ADGRB3: variants seen among roughly 807,000 people sequenced by gnomAD.
ADGRB3 encodes the protein brain-specific angiogenesis inhibitor 3.
A neutral mutation model predicts 193.4 loss-of-function variants in ADGRB3; 37 were observed. The observed-to-expected ratio is 0.19, with a 90% confidence interval of 0.15 to 0.25. The LOEUF (loss-of-function observed/expected upper bound fraction) is 0.25. Among genes scored for constraint, ADGRB3 ranks in the 10% least tolerant of loss-of-function variants. The probability of loss-of-function intolerance (pLI) is 1.00; values close to 1 mark genes in which losing one functional copy is unlikely to be tolerated. For synonymous variants in ADGRB3, 690 were observed against 644.2 expected (o/e 1.07, Z -1.08); for missense variants, 1,637 against 1,852.9 (o/e 0.88, Z 2.14).
chr6:68,975,120 A>G, intron 9 of ADGRB3, 114 bp from the exon 10 acceptor site: 1 of 808,280 alleles, frequency 1.2e-6, no homozygotes, highest in Non-Finnish European at 2.0e-6. Context: ...TTTCATGTGC[A>G]TGTTTTTTAA....
intron 17 of ADGRB3, among the ~76,000 whole-genome samples, chr6:69,206,449 T>C (rs1196239959): frequency 6.6e-6 from 1 of 152,076 alleles, no homozygotes; most frequent in African/African-American, 2.4e-5. Flanking sequence ...TGACACTCAG[T>C]ATTAACCATC....
chr6:68,915,747 C>T (rs1766860877), intron 3 of ADGRB3, among the ~76,000 whole-genome samples: 1 of 151,590 alleles, frequency 6.6e-6, no homozygotes, highest in African/African-American at 2.4e-5. Context: ...TGCCTTCTGT[C>T]TGGAGCTTTG....
chr6:68,894,303 G>T (rs1444123579), intron 3 of ADGRB3, among the ~76,000 whole-genome samples: 11 of 151,884 alleles, frequency 7.2e-5, no homozygotes, highest in Non-Finnish European at 1.2e-4. Context: ...GCTTCTAAAT[G>T]ATAAGATGGA....
intron 3 of ADGRB3, among the ~76,000 whole-genome samples, chr6:68,910,404 A>C (rs1582306783): frequency 6.6e-6 from 1 of 152,052 alleles, no homozygotes; most frequent in Admixed American, 6.5e-5. Context: ...GAAGCTCTTT[A>C]GTTTAATTAG....
At chr6:69,039,429 C>T (rs865966049) in intron 13 of ADGRB3, among the ~76,000 whole-genome samples, 1 of 152,000 alleles carries the variant, frequency 6.6e-6, no homozygotes, top group Non-Finnish European at 1.5e-5. Context: ...GGGAGGGCTA[C>T]CGTATGTCTA....
intron 20 of ADGRB3, among the ~76,000 whole-genome samples, chr6:69,314,496 A>G (rs1011833304): frequency 4.6e-5 from 7 of 151,624 alleles, no homozygotes; most frequent in African/African-American, 1.5e-4. Context: ...CCTGCTTCAA[A>G]ATTTTCACAA....
chr6:69,263,395 G>A (rs1201848780), intron 20 of ADGRB3, among the ~76,000 whole-genome samples: 1 of 151,984 alleles, frequency 6.6e-6, no homozygotes, highest in South Asian at 2.1e-4. Context: ...ATTTTCGCAT[G>A]ATGGCACCTA....
intron 3 of ADGRB3, among the ~76,000 whole-genome samples, chr6:68,799,233 A>G (rs1406458478): frequency 6.6e-6 from 1 of 152,196 alleles, no homozygotes; most frequent in Admixed American, 6.5e-5. Flanking sequence ...TTACACTGTA[A>G]CAGTGCCATA....
Position 68,719,556 on chromosome 6 carries a change from A to G in ADGRB3, c.757+80124A>G, listed in dbSNP as rs1418042231. On this transcript the variant is annotated intron_variant, in intron 3 of 31. Coordinates refer to ENST00000370598, the MANE Select transcript of ADGRB3 (RefSeq NM_001704.3). Reference sequence around the variant, plus strand: ...ACTCTGATGCCTCTGTTTAATTAACAGTTACACATTGGAAAGATACTCTTT... The same window carrying G: ...ACTCTGATGCCTCTGTTTAATTAACGGTTACACATTGGAAAGATACTCTTT... Among the ~76,000 whole-genome samples, 4 of 151,904 alleles carry G rather than the reference A, an allele frequency of 2.6e-5. No individual in the cohort carries two copies. The East Asian group carries it at 7.8e-4, about 30-fold the overall frequency.
Position 68,996,517 on chromosome 6 carries a change from C to T in ADGRB3, c.1929+2555C>T, listed in dbSNP as rs118098687. ...ACACTCCACATATGTAGGTTACCTA[C>T]CTTTCCAGCCTCATGTGTGGATTAC... is the stretch of plus-strand genomic sequence containing the variant. On this transcript the variant is annotated intron_variant, in intron 11 of 31. Transcript: ENST00000370598. Among the ~76,000 whole-genome samples the T allele has an allele frequency of 8.2e-3, 1,245 of 152,308 alleles. 12 individuals carry two copies. The highest frequency in any genetic ancestry group is 0.015 in the Non-Finnish European group (1,037 of 68,038).
At chr6:69,279,714 G>T (rs929775457) in intron 20 of ADGRB3, among the ~76,000 whole-genome samples, 1 of 152,174 alleles carries the variant, frequency 6.6e-6, no homozygotes, top group Non-Finnish European at 1.5e-5. Flanking sequence ...TGATATGCCT[G>T]ATTTCTAAGC....
intron 3 of ADGRB3, among the ~76,000 whole-genome samples, chr6:68,882,837 C>T (rs868272947): frequency 2.2e-4 from 33 of 152,180 alleles, no homozygotes; most frequent in Middle Eastern, 3.4e-3. Context: ...CCCTGGAAGA[C>T]CAACTAGGTA....
chr6:68,881,408 C>T (rs1270576773), intron 3 of ADGRB3, among the ~76,000 whole-genome samples: 1 of 152,064 alleles, frequency 6.6e-6, no homozygotes, highest in Admixed American at 6.6e-5. Flanking sequence ...GTAGTAGATG[C>T]CCAGTTTGTA....
chr6:68,733,555 G>A (rs928390524), intron 3 of ADGRB3, among the ~76,000 whole-genome samples: 7 of 151,666 alleles, frequency 4.6e-5, no homozygotes, highest in African/African-American at 1.2e-4. Flanking sequence ...GGGGAAATGC[G>A]TTCACTAGAA....
chr6:69,126,506 G>A (rs1773856150), intron 17 of ADGRB3, among the ~76,000 whole-genome samples: 1 of 152,130 alleles, frequency 6.6e-6, no homozygotes, highest in Non-Finnish European at 1.5e-5. Flanking sequence ...AAAAGTAGGA[G>A]GAACTCAAGT....
intron 17 of ADGRB3, among the ~76,000 whole-genome samples, chr6:69,229,890 G>A (rs747243046): frequency 6.6e-6 from 1 of 152,162 alleles, no homozygotes; most frequent in Admixed American, 6.5e-5. Flanking sequence ...AAGCTAGAAA[G>A]TAATAGACTT....
rs181597775 is a variant in ADGRB3, at chr6:69,080,259, T to C, written c.2480+4221T>C. On this transcript the variant is annotated intron_variant, in intron 17 of 31. Coordinates refer to ENST00000370598, the MANE Select transcript of ADGRB3 (RefSeq NM_001704.3). ...GCTCTGTGAATGATTGATATATCTA[T>C]ACATTAGGAAGACACAATATTATAT... Among the ~76,000 whole-genome samples the C allele has an allele frequency of 2.6e-3, 389 of 152,168 alleles. 10 individuals are homozygous for C. The highest frequency in any genetic ancestry group is 0.02 in the Admixed American group (306 of 15,268).
chr6:69,235,278 T>A (rs987103077), intron 19 of ADGRB3, 143 bp downstream of exon 19: 9 of 690,322 alleles, frequency 1.3e-5, no homozygotes, highest in African/African-American at 5.4e-5. Context: ...TTGGTGTGAT[T>A]GAGCTTTAAT....
In ADGRB3 at chr6:68,803,887, G is replaced by C. The variant is rs544470967; in HGVS notation, c.758-126672G>C. On this transcript the variant is annotated intron_variant, in intron 3 of 31. Coordinates refer to ENST00000370598, the MANE Select transcript of ADGRB3 (RefSeq NM_001704.3). ...TTATTTTTCTTTGTCTGAATCAATG[G>C]TATTTTTATCTTCATTCTCATTATC... 3.3e-5 allele frequency among the ~76,000 whole-genome samples: 5 copies of C among 152,232 alleles called. 1 individual carries two copies. In the South Asian group the frequency reaches 1.0e-3, roughly 32 times the overall value.
Sources: gnomAD v4.1 joint callset for allele counts (sites outside exome capture counted in the v4.1 genomes callset) on GRCh38, gnomAD v4.1.1 for gene constraint, MANE v1.5 for transcripts, NCBI Gene and HGNC (gene_info 2026-07-23, HGNC 2026-07-21) for gene names.